The following CSMD3 variants were observed in gnomAD, a reference collection of about 807,000 sequenced individuals.
The protein encoded by CSMD3 is CUB and sushi domain-containing protein 3.
In CSMD3, 177 loss-of-function variants were observed where a neutral mutation model predicts 435.2. The ratio of observed to expected loss-of-function variants is 0.41; its 90% CI spans 0.36 to 0.46. CSMD3 has a LOEUF of 0.46. Ranked by LOEUF, CSMD3 falls within the 20% of genes least tolerant of loss-of-function variation. The probability of loss-of-function intolerance (pLI) is 0.34; values close to 1 mark genes in which losing one functional copy is unlikely to be tolerated. For missense variants in CSMD3, 4,265 were observed against 4,504.6 expected (o/e 0.95, Z 1.52); for synonymous variants, 1,656 against 1,520.5 (o/e 1.09, Z -2.07).
At chr8:113,024,004 T>C (rs761901452) in intron 5 of CSMD3, among the ~76,000 whole-genome samples, 4 of 152,250 alleles carry the variant, frequency 2.6e-5, no homozygotes, top group East Asian at 1.9e-4. Context: ...TACAGTGCAA[T>C]AGGACACTGG....
At chr8:112,519,646 T>C (rs1404096897) in intron 27 of CSMD3, among the ~76,000 whole-genome samples, 1 of 152,188 alleles carries the variant, frequency 6.6e-6, no homozygotes, top group African/African-American at 2.4e-5. Flanking sequence ...GTAATACTTG[T>C]TGAGCACTTT....
chr8:113,272,460 G>C (rs1352694337), intron 3 of CSMD3, among the ~76,000 whole-genome samples: 1 of 152,030 alleles, frequency 6.6e-6, no homozygotes, highest in Non-Finnish European at 1.5e-5. Context: ...GGTTTTATCA[G>C]GGGTTTCTGC....
At chr8:112,305,506 A>C (rs1370097943) in intron 51 of CSMD3, among the ~76,000 whole-genome samples, 1 of 152,130 alleles carries the variant, frequency 6.6e-6, no homozygotes, top group Non-Finnish European at 1.5e-5. Flanking sequence ...TTAATGTCTT[A>C]TCATTATGTA....
chr8:112,529,892 A>G (rs974220141), intron 27 of CSMD3, among the ~76,000 whole-genome samples: 12 of 152,184 alleles, frequency 7.9e-5, no homozygotes, highest in African/African-American at 2.4e-4. Context: ...AAAAATAACT[A>G]TCATAAAGAT....
At chr8:113,098,169 TCTTTC>T (rs1198204686) in intron 5 of CSMD3, among the ~76,000 whole-genome samples, 1 of 152,094 alleles carries the variant, frequency 6.6e-6, no homozygotes, top group Admixed American at 6.6e-5. Context: ...TTTACCTATC[TCTTTC>T]CTTTATCAGT....
intron 6 of CSMD3, among the ~76,000 whole-genome samples, chr8:112,989,941 C>T (rs561612774): frequency 6.6e-5 from 10 of 152,074 alleles, no homozygotes; most frequent in African/African-American, 2.2e-4. Context: ...TTTCCCCCTA[C>T]TGTTCTTGTT....
At chr8:113,279,288 C>A (rs2093595115) in intron 2 of CSMD3, among the ~76,000 whole-genome samples, 1 of 146,364 alleles carries the variant, frequency 6.8e-6, no homozygotes, top group African/African-American at 2.5e-5. Flanking sequence ...CACAGAAGAG[C>A]CAGGTCTAAG....
intron 9 of CSMD3, among the ~76,000 whole-genome samples, chr8:112,929,064 T>C (rs530925764): frequency 6.7e-6 from 1 of 149,684 alleles, no homozygotes; most frequent in East Asian, 2.0e-4. Context: ...TCTCATGTGT[T>C]TTTTGGCTGC....
intron 38 of CSMD3, among the ~76,000 whole-genome samples, chr8:112,363,681 G>C (rs1233300372): frequency 6.6e-6 from 1 of 151,830 alleles, no homozygotes. Flanking sequence ...CATCACAAAG[G>C]GGTGAAAAAT....
At position 113,432,054 on chromosome 8, in the gene CSMD3, G is replaced by T. The variant is rs138455526; in HGVS notation, c.178+4623C>A. Among the ~76,000 whole-genome samples, 152 of 152,248 alleles carry T rather than the reference G, an allele frequency of 1.0e-3. 1 individual carries two copies. The highest frequency in any genetic ancestry group is 3.5e-3 in the African/African-American group (146 of 41,524). On this transcript the variant is annotated intron_variant, in intron 1 of 70. Coordinates refer to ENST00000297405, the MANE Select transcript of CSMD3 (RefSeq NM_198123.2). Reference sequence around the variant, plus strand: ...TTTCTCCTTGAAGGATCTCAAGGGAGCTGGCATCAGGTTTTCAAGATGCCG... The same window carrying T: ...TTTCTCCTTGAAGGATCTCAAGGGATCTGGCATCAGGTTTTCAAGATGCCG...
chr8:112,658,678 C>T (rs2075310199), intron 17 of CSMD3, among the ~76,000 whole-genome samples: 1 of 152,102 alleles, frequency 6.6e-6, no homozygotes. Context: ...TCAATCTAGG[C>T]CAGGCACAGT....
intron 4 of CSMD3, among the ~76,000 whole-genome samples, chr8:113,133,637 A>T (rs1202824315): frequency 1.3e-5 from 2 of 152,174 alleles, no homozygotes; most frequent in Non-Finnish European, 2.9e-5. Context: ...ATCCATGTTC[A>T]TAACAGCACT....
chr8:112,228,900 T>C lies in CSMD3; in HGVS notation c.10829-9A>G. On this transcript the variant is annotated splice_polypyrimidine_tract_variant and intron_variant, in intron 69 of 70. Coordinates refer to ENST00000297405, the MANE Select transcript of CSMD3 (RefSeq NM_198123.2). ...TTCTGACATATTCAGTCCTACAAAA[T>C]AAAAAATAAATTATAAATACACAAC... The C allele has an allele frequency of 7.2e-7, 1 of 1,389,896 alleles. No homozygotes were observed. Among genetic ancestry groups the C allele is most frequent in the Non-Finnish European group, 1.0e-6 (1 of 982,908 alleles). The allele number at this position is 1,389,896 out of a possible 1,614,324, so 86.1% of individuals were successfully genotyped here.
chr8:113,434,944 C>T (rs1013925102), intron 1 of CSMD3, among the ~76,000 whole-genome samples: 1 of 152,198 alleles, frequency 6.6e-6, no homozygotes, highest in African/African-American at 2.4e-5. Context: ...CACTTAAACC[C>T]TGGTCATCTT....
chr8:113,380,642 A>G (rs971418275), intron 1 of CSMD3, among the ~76,000 whole-genome samples: 4 of 152,178 alleles, frequency 2.6e-5, no homozygotes, highest in Admixed American at 6.5e-5. Context: ...AACTGCTTGA[A>G]CAATAACCTT....
At chr8:113,349,920 T>C (rs765626323) in intron 1 of CSMD3, among the ~76,000 whole-genome samples, 3 of 152,008 alleles carry the variant, frequency 2.0e-5, no homozygotes, top group East Asian at 1.9e-4. Context: ...CTTTTTCCAA[T>C]AGAATGCAAC....
chr8:112,633,895 G>T (rs181565235), intron 22 of CSMD3, among the ~76,000 whole-genome samples: 172 of 151,890 alleles, frequency 1.1e-3, no homozygotes, highest in African/African-American at 4.1e-3. Context: ...CCTCATCTGG[G>T]GCTTGTTCTG....
intron 58 of CSMD3, 96 bp downstream of exon 58, chr8:112,286,968 A>G (rs1239335575): frequency 2.1e-6 from 2 of 962,590 alleles, no homozygotes; most frequent in Admixed American, 3.5e-5. Flanking sequence ...GGCAGAATAA[A>G]CTAGTAAGAG....
At chr8:112,949,900 C>T (rs1369863607) in intron 8 of CSMD3, among the ~76,000 whole-genome samples, 1 of 151,898 alleles carries the variant, frequency 6.6e-6, no homozygotes, top group East Asian at 1.9e-4. Flanking sequence ...CCATGTTTTC[C>T]TTTCCTTCCC....
Sources: gnomAD v4.1 joint callset for allele counts (sites outside exome capture counted in the v4.1 genomes callset) on GRCh38, gnomAD v4.1.1 for gene constraint, MANE v1.5 for transcripts, NCBI Gene and HGNC (gene_info 2026-07-23, HGNC 2026-07-21) for gene names.